Variants in GDPD4 observed in about 807,000 individuals in gnomAD.
The protein encoded by GDPD4 is glycerophosphodiester phosphodiesterase 6.
In GDPD4, 60 loss-of-function variants were observed where a neutral mutation model predicts 67.8. That is an observed-to-expected ratio of 0.88 (90% CI 0.72 to 1.10). The LOEUF is 1.10. Among genes scored for constraint, GDPD4 ranks in the 50% least tolerant of loss-of-function variants. The pLI is 0.00. For synonymous variants in GDPD4, 212 were observed against 210.9 expected (o/e 1.00, Z -0.04); for missense variants, 623 against 613.9 (o/e 1.01, Z -0.16).
At chr11:77,265,368 T>C (rs1351140955) in intron 10 of GDPD4, among the ~76,000 whole-genome samples, 1 of 152,134 alleles carries the variant, frequency 6.6e-6, no homozygotes, top group African/African-American at 2.4e-5. Context: ...GAGCAGTATA[T>C]AGGGCCTAGA....
chr11:77,240,357 C>A (rs1958638641), intron 13 of GDPD4, among the ~76,000 whole-genome samples: 1 of 152,066 alleles, frequency 6.6e-6, no homozygotes, highest in Non-Finnish European at 1.5e-5. Flanking sequence ...AATTGAATTT[C>A]AACAAAGATG....
At chr11:77,293,942 T>C (rs906321687) in intron 1 of GDPD4, among the ~76,000 whole-genome samples, 2 of 152,128 alleles carry the variant, frequency 1.3e-5, no homozygotes, top group African/African-American at 2.4e-5. Flanking sequence ...ATAAAAGGCA[T>C]AAAGAATAGA....
At chr11:77,239,006 G>C (rs1050980790) in intron 13 of GDPD4, among the ~76,000 whole-genome samples, 2 of 152,128 alleles carry the variant, frequency 1.3e-5, no homozygotes, top group African/African-American at 4.8e-5. Flanking sequence ...CCATAATCAA[G>C]TGGGATTCCT....
At chr11:77,241,378 G>C (rs1172980994) in intron 13 of GDPD4, among the ~76,000 whole-genome samples, 1 of 152,110 alleles carries the variant, frequency 6.6e-6, no homozygotes, top group Admixed American at 6.6e-5. Context: ...CTCTAAAAAA[G>C]TCAAACTTAC....
intron 10 of GDPD4, among the ~76,000 whole-genome samples, chr11:77,260,849 C>G (rs1307997222): frequency 6.6e-6 from 1 of 152,012 alleles, no homozygotes; most frequent in African/African-American, 2.4e-5. Flanking sequence ...GCATTAGAAT[C>G]TATCCAGATG....
In GDPD4 at chr11:77,258,156, T is replaced by G. The variant is rs117925976; in HGVS notation, c.864+230A>C. Among the ~76,000 whole-genome samples the G allele has an allele frequency of 9.0e-3, 1,370 of 152,212 alleles. 11 individuals are homozygous for G. Among genetic ancestry groups the G allele is most frequent in the Middle Eastern group, 0.027 (8 of 294 alleles). On this transcript the variant is annotated intron_variant, in intron 11 of 16. Coordinates refer to ENST00000315938, the MANE Select transcript of GDPD4 (RefSeq NM_182833.3). ...GTAAAAAGAAATTACAAGATAAGGG[T>G]AAGTTTACAAGTTTGTCTTCAGACT...
chr11:77,242,165 G>T lies in GDPD4; in HGVS notation c.1241+1529C>A, dbSNP rs558231302. ...TAATAATGTATATTTCAAAATAGCT[G>T]AGAGTAAATTCAAATATCTTAACAT... On this transcript the variant is annotated intron_variant, in intron 13 of 16. Transcript: ENST00000315938. Among the ~76,000 whole-genome samples, 240 of 152,182 alleles carry T rather than the reference G, an allele frequency of 1.6e-3. 1 individual carries two copies. The highest frequency in any genetic ancestry group is 5.6e-3 in the African/African-American group (233 of 41,522).
chr11:77,217,688 C>G (rs183717941), intron 16 of GDPD4, among the ~76,000 whole-genome samples: 141 of 152,300 alleles, frequency 9.3e-4, no homozygotes, highest in South Asian at 2.9e-3. Context: ...TTGTTTGCCA[C>G]TACATATACA....
chr11:77,273,555 C>T (rs778726347), intron 5 of GDPD4, among the ~76,000 whole-genome samples: 1 of 152,176 alleles, frequency 6.6e-6, no homozygotes, highest in Non-Finnish European at 1.5e-5. Flanking sequence ...GGAATGAATT[C>T]TAAGGGTGCT....
rs113053437 is a variant in GDPD4 at position 77,252,315 on chromosome 11, C to T, written c.864+6071G>A. Among the ~76,000 whole-genome samples the T allele has an allele frequency of 2.4e-3, 360 of 152,190 alleles. 1 individual carries two copies. The highest frequency in any genetic ancestry group is 7.8e-3 in the African/African-American group (326 of 41,538). On this transcript the variant is annotated intron_variant, in intron 11 of 16. Coordinates refer to ENST00000315938, the MANE Select transcript of GDPD4 (RefSeq NM_182833.3). ...CTGACCTCAGGTGATCCAGCCGCCT[C>T]GGCCTCCCAAAGTGCTAGGATTACA... is the stretch of plus-strand genomic sequence containing the variant.
intron 5 of GDPD4, among the ~76,000 whole-genome samples, chr11:77,273,420 T>C (rs1013949918): frequency 1.2e-4 from 18 of 152,218 alleles, no homozygotes; most frequent in African/African-American, 4.3e-4. Flanking sequence ...CTCTTAACAA[T>C]CACCCTGCAC....
At chr11:77,247,437 A>C (rs1958800615) in intron 11 of GDPD4, among the ~76,000 whole-genome samples, 2 of 152,166 alleles carry the variant, frequency 1.3e-5, no homozygotes, top group Admixed American at 6.5e-5. Context: ...TTAAAACTAG[A>C]CTCCAGTAAA....
At chr11:77,299,036 A>T (rs551925477) in intron 1 of GDPD4, among the ~76,000 whole-genome samples, 5 of 151,550 alleles carry the variant, frequency 3.3e-5, no homozygotes, top group Admixed American at 1.3e-4. Flanking sequence ...TGGACAAGAT[A>T]AAAAAAAATC....
intron 1 of GDPD4, among the ~76,000 whole-genome samples, chr11:77,291,006 A>G (rs768188125): frequency 7.9e-5 from 12 of 152,256 alleles, no homozygotes; most frequent in Non-Finnish European, 1.2e-4. Flanking sequence ...TGATCCAGCA[A>G]TTCCACCACT....
intron 4 of GDPD4, among the ~76,000 whole-genome samples, chr11:77,278,254 C>T (rs955679028): frequency 1.3e-5 from 2 of 152,116 alleles, no homozygotes; most frequent in Non-Finnish European, 2.9e-5. Context: ...CAGTGCCTGG[C>T]CCCCCATTAT....
intron 1 of GDPD4, among the ~76,000 whole-genome samples, chr11:77,292,939 T>C (rs1366851428): frequency 1.3e-5 from 2 of 152,098 alleles, no homozygotes; most frequent in African/African-American, 4.8e-5. Flanking sequence ...ATCAAGTAAA[T>C]TGAATTTTAC....
chr11:77,219,036 A>G (rs1958178617), intron 16 of GDPD4, among the ~76,000 whole-genome samples: 2 of 152,280 alleles, frequency 1.3e-5, no homozygotes, highest in South Asian at 2.1e-4. Flanking sequence ...ATTTCTCCAC[A>G]TCCTCTCCAG....
intron 1 of GDPD4, among the ~76,000 whole-genome samples, chr11:77,301,151 C>T (rs917750536): frequency 6.6e-6 from 1 of 152,180 alleles, no homozygotes; most frequent in Admixed American, 6.5e-5. Flanking sequence ...CTGAATTCTA[C>T]ACTCATATAT....
At chr11:77,243,929 C>T in intron 12 of GDPD4, 81 bp from the exon 13 acceptor site, 1 of 916,462 alleles carries the variant, frequency 1.1e-6, no homozygotes, top group South Asian at 1.5e-5. Flanking sequence ...GGAGGGAGCT[C>T]CATTCCAGCA....
Sources: allele counts gnomAD v4.1 joint callset (sites outside exome capture counted in the v4.1 genomes callset), GRCh38; gene constraint gnomAD v4.1.1; transcripts MANE v1.5; gene names NCBI Gene and HGNC (gene_info 2026-07-23, HGNC 2026-07-21).